The following KATNIP variants were observed in gnomAD, a reference collection of about 807,000 sequenced individuals.
KATNIP encodes the protein katanin-interacting protein.
Under a neutral mutation model 174.0 loss-of-function variants are expected in KATNIP, and 126 were observed. That is an observed-to-expected ratio of 0.72 (90% CI 0.63 to 0.84). The LOEUF is 0.84. Among genes scored for constraint, KATNIP ranks in the 40% least tolerant of loss-of-function variants. The pLI, the probability that KATNIP is intolerant of heterozygous loss-of-function variation, is 0.00. For missense variants in KATNIP, 1,958 were observed against 2,109.7 expected, an observed-to-expected ratio of 0.93 and a Z score of 1.41; for synonymous variants, 810 against 835.7, an observed-to-expected ratio of 0.97 and a Z score of 0.53.
chr16:27,770,057 C>T (rs761567181), intron 21 of KATNIP, 39 bp downstream of exon 21: 2 of 1,597,852 alleles, frequency 1.3e-6, no homozygotes, highest in East Asian at 2.2e-5. Context: ...CCCCTCCCGG[C>T]CCCTGGGCCC....
At chr16:27,774,841 G>C in intron 23 of KATNIP, 104 bp from the exon 24 acceptor site, 1 of 1,367,500 alleles carries the variant, frequency 7.3e-7, no homozygotes, top group South Asian at 1.3e-5. Context: ...CAAAGCATCA[G>C]CCCTGCCAGC....
At chr16:27,602,859 C>T (rs1006455364) in intron 2 of KATNIP, among the ~76,000 whole-genome samples, 4 of 152,102 alleles carry the variant, frequency 2.6e-5, no homozygotes, top group African/African-American at 4.8e-5. Flanking sequence ...CCACCACACC[C>T]GGCTAATTTT....
chr16:27,650,138 A>G (rs1430395190), intron 6 of KATNIP, among the ~76,000 whole-genome samples: 2 of 151,538 alleles, frequency 1.3e-5, no homozygotes, highest in Non-Finnish European at 1.5e-5. Flanking sequence ...GCACCACTGC[A>G]TTCCAGCCTG....
At chr16:27,569,342 G>T (rs973679926) in intron 1 of KATNIP, among the ~76,000 whole-genome samples, 1 of 152,320 alleles carries the variant, frequency 6.6e-6, no homozygotes, top group Admixed American at 6.5e-5. Flanking sequence ...ATAAAACCTT[G>T]CTGAAATCAT....
intron 5 of KATNIP, among the ~76,000 whole-genome samples, chr16:27,641,778 TC>T (rs989921411): frequency 6.6e-6 from 1 of 152,202 alleles, no homozygotes; most frequent in Non-Finnish European, 1.5e-5. Flanking sequence ...TCTCACAAAT[TC>T]CCAGGAGATA....
Position 27,703,881 on chromosome 16 carries a change from C to A in KATNIP, c.1287-15C>A. On this transcript the variant is annotated splice_polypyrimidine_tract_variant and intron_variant, in intron 11 of 27. Coordinates refer to ENST00000261588, the MANE Select transcript of KATNIP (RefSeq NM_015202.5). ...TTTACTACTTCCTGTTTGCTAAAACCAAATCCCATTTCAGACAACAGCAGA... is the reference window on the plus strand; with the variant it reads ...TTTACTACTTCCTGTTTGCTAAAACAAAATCCCATTTCAGACAACAGCAGA... 6.2e-7 allele frequency: 1 copy of A among 1,607,432 alleles called. No homozygotes were observed.
intron 17 of KATNIP, 35 bp downstream of exon 17, chr16:27,751,959 C>T (rs368133192): frequency 2.1e-4 from 318 of 1,549,636 alleles, no homozygotes; most frequent in Non-Finnish European, 2.7e-4. Context: ...GGGGGGACCC[C>T]CAGATAGGTT....
At chr16:27,739,995 A>T (rs1384396639) in intron 14 of KATNIP, 46 bp from the exon 15 acceptor site, 1 of 1,542,622 alleles carries the variant, frequency 6.5e-7, no homozygotes, top group Admixed American at 2.1e-5. Flanking sequence ...TTCATACATC[A>T]GTCTGATGCT....
intron 1 of KATNIP, among the ~76,000 whole-genome samples, chr16:27,553,245 C>T (rs1259690779): frequency 6.6e-6 from 1 of 152,126 alleles, no homozygotes; most frequent in Non-Finnish European, 1.5e-5. Context: ...GTTAATATCA[C>T]CACCTATTTC....
chr16:27,774,683 C>T (rs545413911), intron 23 of KATNIP, among the ~76,000 whole-genome samples: 26 of 152,280 alleles, frequency 1.7e-4, no homozygotes, highest in African/African-American at 5.5e-4. Context: ...TTCCCTGCAA[C>T]GTCTCTTTTT....
At chr16:27,653,183 A>G (rs2142379221) in intron 6 of KATNIP, among the ~76,000 whole-genome samples, 1 of 152,288 alleles carries the variant, frequency 6.6e-6, no homozygotes, top group South Asian at 2.1e-4. Context: ...TCTCGTTCCC[A>G]GTGAGTGGTA....
At chr16:27,600,601 C>T (rs1488302921) in intron 2 of KATNIP, among the ~76,000 whole-genome samples, 1 of 152,120 alleles carries the variant, frequency 6.6e-6, no homozygotes, top group African/African-American at 2.4e-5. Context: ...GCTCCGCCCT[C>T]CCCCATTCTC....
intron 19 of KATNIP, among the ~76,000 whole-genome samples, chr16:27,761,838 G>T (rs971765478): frequency 4.6e-5 from 7 of 152,172 alleles, no homozygotes; most frequent in African/African-American, 1.7e-4. Flanking sequence ...GGGTTCCCAT[G>T]CTTCCAGACA....
chr16:27,655,215 TATATATATATATA>T, intron 6 of KATNIP, among the ~76,000 whole-genome samples: 1 of 122,058 alleles, frequency 8.2e-6, no homozygotes, highest in African/African-American at 3.5e-5. Flanking sequence ...TATATATATA[TATATATATATATA>T]TTTTGTTTGT....
intron 8 of KATNIP, among the ~76,000 whole-genome samples, chr16:27,689,729 AG>A (rs964557285): frequency 1.3e-5 from 2 of 152,190 alleles, no homozygotes; most frequent in African/African-American, 4.8e-5. Flanking sequence ...GGCTTAAAAC[AG>A]CAACCGTTTT....
chr16:27,709,078 G>T (rs1160511971), intron 13 of KATNIP, 158 bp downstream of exon 13: 1 of 575,070 alleles, frequency 1.7e-6, no homozygotes, highest in African/African-American at 1.9e-5. Context: ...CAGCACTTTG[G>T]GAGGCTGAGG....
intron 20 of KATNIP, among the ~76,000 whole-genome samples, chr16:27,766,705 G>A (rs888843572): frequency 1.3e-5 from 2 of 152,176 alleles, no homozygotes; most frequent in Admixed American, 6.5e-5. Flanking sequence ...GTTTCTCCTG[G>A]TGCTGGGGGG....
chr16:27,769,566 T>C (rs2082227891), intron 20 of KATNIP, among the ~76,000 whole-genome samples: 1 of 152,226 alleles, frequency 6.6e-6, no homozygotes, highest in Non-Finnish European at 1.5e-5. Context: ...CTCCATCTCA[T>C]GCCGCCCCAG....
intron 2 of KATNIP, among the ~76,000 whole-genome samples, chr16:27,613,065 C>G (rs1165374935): frequency 2.0e-5 from 3 of 151,928 alleles, no homozygotes. Context: ...CCGAGACCAG[C>G]CCGGGCAACA....
Sources: allele counts gnomAD v4.1 joint callset (sites outside exome capture counted in the v4.1 genomes callset), GRCh38; gene constraint gnomAD v4.1.1; transcripts MANE v1.5; gene names NCBI Gene and HGNC (gene_info 2026-07-23, HGNC 2026-07-21).